The following IQSEC1 variants were observed in gnomAD, a reference collection of about 807,000 sequenced individuals.
IQSEC1 encodes IQ motif and Sec7 domain ArfGEF 1, also known as IQ motif and SEC7 domain-containing protein 1.
IQSEC1 carries 31 observed loss-of-function variants against 91.0 expected under a neutral mutation model. That is an observed-to-expected ratio of 0.34 (90% CI 0.26 to 0.46). The LOEUF is 0.46. IQSEC1 is among the 20% of genes least tolerant of loss of function. IQSEC1 has a pLI of 1.00. For synonymous variants in IQSEC1, 699 were observed against 662.6 expected, an observed-to-expected ratio of 1.05 and a Z score of -0.84; for missense variants, 1,388 against 1,575.6, an observed-to-expected ratio of 0.88 and a Z score of 2.02.
chr3:13,174,169 T>C (rs922972555), intron 1 of IQSEC1, among the ~76,000 whole-genome samples: 1 of 152,098 alleles, frequency 6.6e-6, no homozygotes, highest in Non-Finnish European at 1.5e-5. Context: ...CTGAATCTTG[T>C]GCACACAGAA....
At chr3:13,275,057 T>A (rs1293389541) in intron 1 of IQSEC1, among the ~76,000 whole-genome samples, 1 of 152,228 alleles carries the variant, frequency 6.6e-6, no homozygotes, top group East Asian at 1.9e-4. Flanking sequence ...CCGCTGCCAC[T>A]GGGTGACTGT....
At chr3:13,165,568 G>C in intron 1 of IQSEC1, among the ~76,000 whole-genome samples, 1 of 145,726 alleles carries the variant, frequency 6.9e-6, no homozygotes, top group Non-Finnish European at 1.5e-5. Flanking sequence ...GTGTGTGTGT[G>C]TGTGTGTGTG....
At chr3:13,106,496 T>C (rs1706154259) in intron 2 of IQSEC1, among the ~76,000 whole-genome samples, 1 of 152,298 alleles carries the variant, frequency 6.6e-6, no homozygotes. Flanking sequence ...CATGAAATTG[T>C]ACAGATGAGG....
chr3:12,900,451 G>GTATA lies in IQSEC1; in HGVS notation c.*528_*531dup, dbSNP rs72408840. ...TTCACACACAAGTACTACCTATACA[G>GTATA]TATATATATATATATATTTATATAT... On this transcript the variant is annotated 3_prime_UTR_variant, in exon 14 of 14. Coordinates refer to ENST00000613206, the MANE Select transcript of IQSEC1 (RefSeq NM_001134382.3). 9.0e-5 allele frequency: 63 copies of GTATA among 701,306 alleles called. No individual in the cohort carries two copies. The highest frequency in any genetic ancestry group is 2.7e-4 in the East Asian group (2 of 7,476). 43.4% of individuals were successfully genotyped at this position (701,306 alleles called of 1,614,324 possible). A position where few individuals can be genotyped will look rare whatever the true frequency, so the allele number is the denominator to read the frequency against.
rs560695683 is a variant in IQSEC1, at chr3:13,210,234, C to T, written c.273-46101G>A. Reference sequence around the variant, plus strand: ...GGCTGTGTGGCCTGGCTGTGGTATCCCCCAGGCTGGGGGGACCCAGTGAGG... The same window carrying T: ...GGCTGTGTGGCCTGGCTGTGGTATCTCCCAGGCTGGGGGGACCCAGTGAGG... On this transcript the variant is annotated intron_variant, in intron 1 of 15. Transcript: ENST00000648114. 9.2e-5 allele frequency among the ~76,000 whole-genome samples: 14 copies of T among 152,194 alleles called. 1 individual carries two copies. In the South Asian group the frequency reaches 2.9e-3, roughly 32 times the overall value.
intron 1 of IQSEC1, among the ~76,000 whole-genome samples, chr3:13,223,481 C>G (rs762108638): frequency 2.0e-5 from 3 of 152,160 alleles, no homozygotes; most frequent in Non-Finnish European, 4.4e-5. Context: ...CAGAGGGAGT[C>G]CTTGAGGCAG....
chr3:12,926,083 G>A (rs973403524), intron 3 of IQSEC1, among the ~76,000 whole-genome samples: 10 of 152,164 alleles, frequency 6.6e-5, no homozygotes, highest in Non-Finnish European at 8.8e-5. Context: ...AGCTGAGGCA[G>A]GTGGATCACG....
chr3:13,213,136 T>C (rs1052432171), intron 1 of IQSEC1, among the ~76,000 whole-genome samples: 5 of 152,250 alleles, frequency 3.3e-5, no homozygotes, highest in Admixed American at 3.3e-4. Context: ...CCCAAGGCCA[T>C]GAAGATTTAC....
chr3:13,237,983 G>A (rs982778340), intron 1 of IQSEC1, among the ~76,000 whole-genome samples: 2 of 152,200 alleles, frequency 1.3e-5, no homozygotes, highest in African/African-American at 4.8e-5. Flanking sequence ...ATGGGGGACT[G>A]CAGAGCTGTG....
intron 2 of IQSEC1, among the ~76,000 whole-genome samples, chr3:13,134,150 C>T (rs1028127555): frequency 5.9e-5 from 9 of 152,214 alleles, no homozygotes; most frequent in Non-Finnish European, 7.3e-5. Flanking sequence ...ATTAGAGAGA[C>T]GTGGGATGGA....
At chr3:13,234,210 G>A (rs931250838) in intron 1 of IQSEC1, among the ~76,000 whole-genome samples, 1 of 151,140 alleles carries the variant, frequency 6.6e-6, no homozygotes, top group Non-Finnish European at 1.5e-5. Context: ...GTGTGCCTGT[G>A]GGTGTGAGCC....
chr3:13,180,970 A>G (rs568422757), intron 1 of IQSEC1, among the ~76,000 whole-genome samples: 4 of 152,312 alleles, frequency 2.6e-5, no homozygotes, highest in African/African-American at 9.6e-5. Flanking sequence ...CCAATTCCGG[A>G]CACAAAAATA....
At chr3:13,054,890 T>C (rs75150723) in intron 1 of IQSEC1, among the ~76,000 whole-genome samples, 27,656 of 152,202 alleles carry the variant, frequency 0.18, 2,747 homozygotes, top group South Asian at 0.37. Context: ...TCCTCATTTG[T>C]AAAACGGGGC....
At position 12,979,415 on chromosome 3, in the gene IQSEC1, G is replaced by A. The variant is rs1701346000; in HGVS notation, c.24-37550C>T. Among the ~76,000 whole-genome samples the A allele has an allele frequency of 6.6e-6, 1 of 152,184 alleles. No individual in the cohort carries two copies. The highest frequency in any genetic ancestry group is 1.5e-5 in the Non-Finnish European group (1 of 68,042). On this transcript the variant is annotated intron_variant, in intron 1 of 13. Transcript: ENST00000613206. The surrounding 1 kb of genome is among the most constrained non-coding windows in gnomAD (Gnocchi z 4.3). Reference sequence around the variant, plus strand: ...CTTTTTATATCCTGATAGGGACTGAGATACAAGACATAGTGCTACATGAAA... The same window carrying A: ...CTTTTTATATCCTGATAGGGACTGAAATACAAGACATAGTGCTACATGAAA...
At chr3:13,226,402 A>G (rs1342896435) in intron 1 of IQSEC1, among the ~76,000 whole-genome samples, 2 of 152,170 alleles carry the variant, frequency 1.3e-5, no homozygotes, top group Non-Finnish European at 2.9e-5. Context: ...ATAATTACTG[A>G]GCACATACTG....
intron 1 of IQSEC1, among the ~76,000 whole-genome samples, chr3:13,057,518 C>T (rs914206084): frequency 2.0e-5 from 3 of 152,258 alleles, no homozygotes; most frequent in Non-Finnish European, 2.9e-5. Context: ...ACATGCACAA[C>T]ATGTGCAAGC....
chr3:13,044,788 C>A (rs1704430510), intron 1 of IQSEC1, among the ~76,000 whole-genome samples: 1 of 152,220 alleles, frequency 6.6e-6, no homozygotes, highest in African/African-American at 2.4e-5. Context: ...CTGGCTGGGA[C>A]CTTTGTTTCT....
At chr3:13,245,817 C>T (rs529269102) in intron 1 of IQSEC1, among the ~76,000 whole-genome samples, 2 of 151,558 alleles carry the variant, frequency 1.3e-5, no homozygotes, top group Admixed American at 1.3e-4. Context: ...GAAGTGAAGC[C>T]GTTTCGCAAT....
chr3:13,036,564 C>A (rs1704042862), intron 1 of IQSEC1, among the ~76,000 whole-genome samples: 1 of 152,194 alleles, frequency 6.6e-6, no homozygotes, highest in Non-Finnish European at 1.5e-5. Context: ...CCCAGGGTGC[C>A]CCCTGTAGAG....
Sources: allele counts gnomAD v4.1 joint callset (sites outside exome capture counted in the v4.1 genomes callset), GRCh38; gene constraint gnomAD v4.1.1; non-coding constraint Gnocchi (gnomAD v3.1); transcripts MANE v1.5; gene names NCBI Gene and HGNC (gene_info 2026-07-23, HGNC 2026-07-21).